UNC5C: variants seen among roughly 807,000 people sequenced by gnomAD.
The protein encoded by UNC5C is netrin receptor UNC5C.
Under a neutral mutation model 99.8 loss-of-function variants are expected in UNC5C, and 47 were observed. The ratio of observed to expected loss-of-function variants is 0.47; its 90% confidence interval spans 0.37 to 0.60. The LOEUF (loss-of-function observed/expected upper bound fraction) is 0.60, where lower values mean the gene tolerates loss of function less well. Among genes scored for constraint, UNC5C ranks in the 20% least tolerant of loss-of-function variants. The pLI is 0.00. For missense variants in UNC5C, 1,062 were observed against 1,165.9 expected, an observed-to-expected ratio of 0.91 and a Z score of 1.30; for synonymous variants, 487 against 452.2, an observed-to-expected ratio of 1.08 and a Z score of -0.98.
chr4:95,545,890 T>C (rs2149497846), intron 1 of UNC5C, among the ~76,000 whole-genome samples: 1 of 152,248 alleles, frequency 6.6e-6, no homozygotes, highest in East Asian at 1.9e-4. Context: ...ATGAAACAAT[T>C]AGGGCATAGC....
At chr4:95,234,381 C>CTTTTTTT (rs35325293) in intron 7 of UNC5C, among the ~76,000 whole-genome samples, 1 of 150,450 alleles carries the variant, frequency 6.6e-6, no homozygotes, top group African/African-American at 2.4e-5. Context: ...AATCGCTTAC[C>CTTTTTTT]TTTTTTTTAT....
In UNC5C at chr4:95,170,252, G is replaced by A. The variant is rs992034747; in HGVS notation, c.2532C>T (p.Ile844=). The A allele has an allele frequency of 1.9e-6, 3 of 1,614,024 alleles. No homozygotes were observed. Among genetic ancestry groups the A allele is most frequent in the Non-Finnish European group, 2.5e-6 (3 of 1,180,056 alleles). The change falls in exon 15 of 16, where the codon ATC becomes ATT. Residue 844 remains isoleucine, a synonymous_variant. Transcript: ENST00000453304. ...AGAGCTTCTGCCGGATAGGGAGAGG[G>A]ATGCTGAAAGCACTGGGCCCCGTGA... ...TTVTGPSAFS[I]PLPIRQKLCS...
At chr4:95,188,630 G>T (rs1736932009) in intron 12 of UNC5C, among the ~76,000 whole-genome samples, 1 of 152,190 alleles carries the variant, frequency 6.6e-6, no homozygotes, top group African/African-American at 2.4e-5. Context: ...TTGATTTTCT[G>T]AATTCTTCGC....
At chr4:95,203,395 A>G (rs1737760201) in intron 11 of UNC5C, among the ~76,000 whole-genome samples, 1 of 152,128 alleles carries the variant, frequency 6.6e-6, no homozygotes, top group African/African-American at 2.4e-5. Flanking sequence ...GACAAATTCC[A>G]TGACACGTAA....
At chr4:95,221,401 C>T (rs188759119) in intron 7 of UNC5C, among the ~76,000 whole-genome samples, 311 of 152,236 alleles carry the variant, frequency 2.0e-3, no homozygotes, top group African/African-American at 6.3e-3. Context: ...TGAGGAACCA[C>T]GGCCCTCTCC....
At chr4:95,191,675 C>G (rs149690948) in intron 12 of UNC5C, among the ~76,000 whole-genome samples, 1 of 150,980 alleles carries the variant, frequency 6.6e-6, no homozygotes, top group Non-Finnish European at 1.5e-5. Flanking sequence ...CCTCTGTTCA[C>G]TCTCCTCCCC....
intron 1 of UNC5C, among the ~76,000 whole-genome samples, chr4:95,502,392 C>T (rs1433764065): frequency 6.6e-6 from 1 of 152,038 alleles, no homozygotes. Flanking sequence ...TTTCGGCCTC[C>T]CAAGCAGCTG....
intron 1 of UNC5C, among the ~76,000 whole-genome samples, chr4:95,370,247 G>A (rs1303144952): frequency 6.6e-6 from 1 of 151,680 alleles, no homozygotes; most frequent in Non-Finnish European, 1.5e-5. Context: ...CATGTTAAAT[G>A]ATATTTTAGA....
At position 95,451,826 on chromosome 4, in the gene UNC5C, A is replaced by G. The variant is rs1013959556; in HGVS notation, c.124+96908T>C. Among the ~76,000 whole-genome samples the G allele has an allele frequency of 5.3e-5, 8 of 152,316 alleles. No individual in the cohort carries two copies. The East Asian group carries it at 7.7e-4, about 15-fold the overall frequency. On this transcript the variant is annotated intron_variant, in intron 1 of 15. Coordinates refer to ENST00000453304, the MANE Select transcript of UNC5C (RefSeq NM_003728.4). ...GAGATAAATGTTAAATTATCAATGT[A>G]ACTATTTCAGAAACTGTATTTGTTT...
chr4:95,310,862 G>A (rs895008027), intron 2 of UNC5C, among the ~76,000 whole-genome samples: 2 of 151,982 alleles, frequency 1.3e-5, no homozygotes, highest in African/African-American at 2.4e-5. Flanking sequence ...ATCAACGCAC[G>A]GTTTTCTGCC....
At position 95,241,364 on chromosome 4, in the gene UNC5C, C is replaced by G. The variant is rs538342753; in HGVS notation, c.1108+1065G>C. Among the ~76,000 whole-genome samples, 4 of 152,232 alleles carry G rather than the reference C, an allele frequency of 2.6e-5. No homozygotes were observed. The East Asian group carries it at 7.7e-4, about 29-fold the overall frequency. ...CTATTGGATTTTTATTCTGTGTGAG[C>G]AACATAATTGTTTATTTGTATTTTA... On this transcript the variant is annotated intron_variant, in intron 7 of 15. Coordinates refer to ENST00000453304, the MANE Select transcript of UNC5C (RefSeq NM_003728.4).
chr4:95,491,347 A>G (rs866185697), intron 1 of UNC5C, among the ~76,000 whole-genome samples: 2 of 151,686 alleles, frequency 1.3e-5, no homozygotes, highest in South Asian at 2.1e-4. Context: ...ATAGAAAGAA[A>G]TGTAGAATTT....
At chr4:95,225,084 T>C (rs1738632126) in intron 7 of UNC5C, among the ~76,000 whole-genome samples, 1 of 151,650 alleles carries the variant, frequency 6.6e-6, no homozygotes, top group African/African-American at 2.4e-5. Flanking sequence ...GGATGAGGAG[T>C]CTTGCTCTGT....
At chr4:95,412,929 C>G (rs1746040494) in intron 1 of UNC5C, among the ~76,000 whole-genome samples, 1 of 152,150 alleles carries the variant, frequency 6.6e-6, no homozygotes, top group African/African-American at 2.4e-5. Flanking sequence ...CTAATTTTCC[C>G]TGGCATGAGT....
intron 1 of UNC5C, among the ~76,000 whole-genome samples, chr4:95,468,805 G>A (rs779655835): frequency 3.9e-5 from 6 of 152,026 alleles, no homozygotes; most frequent in African/African-American, 1.2e-4. Flanking sequence ...TGACACCTTC[G>A]GTGTTGAACT....
intron 1 of UNC5C, among the ~76,000 whole-genome samples, chr4:95,497,916 T>G (rs1254933403): frequency 6.6e-6 from 1 of 152,018 alleles, no homozygotes; most frequent in African/African-American, 2.4e-5. Context: ...TTTAATAAGC[T>G]TTTAAATAGC....
At position 95,193,704 on chromosome 4, in the gene UNC5C, G is replaced by A. The variant is rs146237793; in HGVS notation, c.2137-8508C>T. Among the ~76,000 whole-genome samples the A allele has an allele frequency of 1.3e-3, 202 of 152,228 alleles. 5 individuals carry two copies. The East Asian group carries it at 0.033, about 25-fold the overall frequency. ...CAGCTGTGGGGGCCTGCACTCCACCGAAGCAGAGGCCAAAAAGAGCGGCCG... is the reference window on the plus strand; with the variant it reads ...CAGCTGTGGGGGCCTGCACTCCACCAAAGCAGAGGCCAAAAAGAGCGGCCG... On this transcript the variant is annotated intron_variant, in intron 12 of 15. Coordinates refer to ENST00000453304, the MANE Select transcript of UNC5C (RefSeq NM_003728.4).
At chr4:95,411,034 T>G (rs1745971302) in intron 1 of UNC5C, among the ~76,000 whole-genome samples, 1 of 152,148 alleles carries the variant, frequency 6.6e-6, no homozygotes, top group Non-Finnish European at 1.5e-5. Flanking sequence ...TCTCTACAAG[T>G]CAACCTAGCA....
chr4:95,168,930 G>C lies in UNC5C; in HGVS notation c.*304C>G. ...CCATATATCTGGATAGCAATAAAAAGCGTTTCCTAGGAAACTGTAAGATCC... is the reference window on the plus strand; with the variant it reads ...CCATATATCTGGATAGCAATAAAAACCGTTTCCTAGGAAACTGTAAGATCC... On this transcript the variant is annotated 3_prime_UTR_variant, in exon 16 of 16. Coordinates refer to ENST00000453304, the MANE Select transcript of UNC5C (RefSeq NM_003728.4). The C allele has an allele frequency of 3.8e-6, 1 of 263,094 alleles. No individual in the cohort carries two copies. The highest frequency in any genetic ancestry group is 1.2e-4 in the South Asian group (1 of 8,280). The allele number at this position is 263,094 out of a possible 1,614,324, so 16.3% of individuals were successfully genotyped here.
Sources: gnomAD v4.1 joint callset for allele counts (sites outside exome capture counted in the v4.1 genomes callset) on GRCh38, gnomAD v4.1.1 for gene constraint, MANE v1.5 for transcripts, NCBI Gene and HGNC (gene_info 2026-07-23, HGNC 2026-07-21) for gene names.